Variants in ATF3 observed in about 807,000 individuals in gnomAD.
The protein encoded by ATF3 is cyclic AMP-dependent transcription factor ATF-3.
In ATF3, 10 loss-of-function variants were observed where a neutral mutation model predicts 18.4. The ratio of observed to expected loss-of-function variants is 0.54; its 90% CI spans 0.34 to 0.92. The LOEUF (loss-of-function observed/expected upper bound fraction) is 0.92. Ranked by LOEUF, ATF3 falls within the 40% of genes least tolerant of loss-of-function variation. The pLI, the probability that ATF3 is intolerant of heterozygous loss-of-function variation, is 0.02. For synonymous variants in ATF3, 78 were observed against 87.9 expected, an observed-to-expected ratio of 0.89 and a Z score of 0.63; for missense variants, 183 against 222.3, an observed-to-expected ratio of 0.82 and a Z score of 1.12.
intron 1 of ATF3, among the ~76,000 whole-genome samples, chr1:212,570,381 A>T (rs1322111602): frequency 6.6e-6 from 1 of 152,214 alleles, no homozygotes; most frequent in Non-Finnish European, 1.5e-5. Context: ...AAATGCACAA[A>T]TCTTAAATGG....
chr1:212,576,303 G>A (rs768341248), intron 1 of ATF3, among the ~76,000 whole-genome samples: 53 of 151,404 alleles, frequency 3.5e-4, no homozygotes, highest in Non-Finnish European at 7.1e-4. Context: ...CCTTTTTATT[G>A]CCACTTTCTG....
chr1:212,590,048 A>G (rs1333168131), intron 1 of ATF3, among the ~76,000 whole-genome samples: 2 of 152,188 alleles, frequency 1.3e-5, no homozygotes, highest in African/African-American at 4.8e-5. Context: ...AAGTGTATTT[A>G]GGTAAAAGCA....
intron 1 of ATF3, among the ~76,000 whole-genome samples, chr1:212,567,463 A>G (rs1488806208): frequency 6.6e-6 from 1 of 152,174 alleles, no homozygotes; most frequent in Non-Finnish European, 1.5e-5. Context: ...TTTCTGTGCA[A>G]AGGATTCAGA....
At position 212,619,850 on chromosome 1, in the gene ATF3, T is replaced by C. The variant is rs1655297981; in HGVS notation, c.*295T>C. The C allele has an allele frequency of 2.9e-6, 1 of 340,758 alleles. No homozygotes were observed. Among genetic ancestry groups the C allele is most frequent in the Non-Finnish European group, 5.7e-6 (1 of 175,174 alleles). The allele number at this position is 340,758 out of a possible 1,614,324, so 21.1% of individuals were successfully genotyped here. ...GCTGGTGTCCTGCCCGCCTTTCATCTGGATTCTACAAAAAACCAGGATGCC... is the reference window on the plus strand; with the variant it reads ...GCTGGTGTCCTGCCCGCCTTTCATCCGGATTCTACAAAAAACCAGGATGCC... On this transcript the variant is annotated 3_prime_UTR_variant, in exon 4 of 4. Coordinates refer to ENST00000341491, the MANE Select transcript of ATF3 (RefSeq NM_001674.4). This position sits in a 1 kb window ranked among gnomAD's most constrained non-coding sequence, Gnocchi z 4.4.
At chr1:212,593,744 A>T (rs11311168) in intron 1 of ATF3, among the ~76,000 whole-genome samples, 41 of 486 alleles carry the variant, frequency 0.084, 5 homozygotes, top group Non-Finnish European at 0.13. Flanking sequence ...CTGTCTCTTT[A>T]AAAAAAAAAA....
chr1:212,616,689 G>A (rs186908193), intron 2 of ATF3, among the ~76,000 whole-genome samples: 3 of 152,312 alleles, frequency 2.0e-5, no homozygotes, highest in African/African-American at 4.8e-5. Flanking sequence ...AAAGGAGGCC[G>A]TGGCAGGAAT....
rs746983561 is a variant in ATF3 at position 212,619,575 on chromosome 1, G to T, written c.*20G>T. 6.2e-7 allele frequency: 1 copy of T among 1,613,386 alleles called. No individual in the cohort carries two copies. Among genetic ancestry groups the T allele is most frequent in the Non-Finnish European group, 8.5e-7 (1 of 1,179,666 alleles). Reference sequence around the variant, plus strand: ...AGCTAAGCAGTCGTGGTATGGGGGCGACTGGGGAGTCCTCATTGAATCCTC... The same window carrying T: ...AGCTAAGCAGTCGTGGTATGGGGGCTACTGGGGAGTCCTCATTGAATCCTC... On this transcript the variant is annotated 3_prime_UTR_variant, in exon 4 of 4. Coordinates refer to ENST00000341491, the MANE Select transcript of ATF3 (RefSeq NM_001674.4). This position sits in a 1 kb window ranked among gnomAD's most constrained non-coding sequence, Gnocchi z 4.4.
intron 1 of ATF3, among the ~76,000 whole-genome samples, chr1:212,568,700 C>T (rs1558222267): frequency 6.6e-6 from 1 of 152,248 alleles, no homozygotes; most frequent in East Asian, 1.9e-4. Context: ...TGGTGACTGT[C>T]ATTTGGTATT....
chr1:212,588,675 C>T (rs537493963), intron 1 of ATF3, among the ~76,000 whole-genome samples: 1 of 152,152 alleles, frequency 6.6e-6, no homozygotes, highest in Non-Finnish European at 1.5e-5. Context: ...CATGCAACCC[C>T]ACACCTGATT....
chr1:212,585,744 C>T (rs1050271464), intron 1 of ATF3, among the ~76,000 whole-genome samples: 2 of 152,158 alleles, frequency 1.3e-5, no homozygotes, highest in Non-Finnish European at 2.9e-5. Context: ...TTCTGGTTAT[C>T]GACCTAGGCA....
chr1:212,586,946 A>G (rs1342645201), intron 1 of ATF3, among the ~76,000 whole-genome samples: 1 of 152,198 alleles, frequency 6.6e-6, no homozygotes, highest in Non-Finnish European at 1.5e-5. Flanking sequence ...TGTGAAAGTG[A>G]CGCTGGGCTG....
intron 1 of ATF3, among the ~76,000 whole-genome samples, chr1:212,597,419 T>TATCTATCTATC (rs1553302899): frequency 1.3e-5 from 2 of 150,730 alleles, no homozygotes; most frequent in East Asian, 2.0e-4. Flanking sequence ...TTACATCTAT[T>TATCTATCTATC]TATCTATCTA....
At chr1:212,589,175 C>T (rs1025749372) in intron 1 of ATF3, among the ~76,000 whole-genome samples, 1 of 152,170 alleles carries the variant, frequency 6.6e-6, no homozygotes, top group Non-Finnish European at 1.5e-5. Flanking sequence ...CATCACAGCA[C>T]TCCCGGGTTG....
chr1:212,586,548 A>G (rs1664783328), intron 1 of ATF3, among the ~76,000 whole-genome samples: 1 of 152,220 alleles, frequency 6.6e-6, no homozygotes, highest in Non-Finnish European at 1.5e-5. Context: ...TGAGTTTGCC[A>G]TCTTGAATAA....
chr1:212,612,135 G>T (rs1252926405), intron 1 of ATF3, among the ~76,000 whole-genome samples: 1 of 152,024 alleles, frequency 6.6e-6, no homozygotes, highest in South Asian at 2.1e-4. Flanking sequence ...CCCAAATCTC[G>T]ACAGATACAT....
intron 1 of ATF3, among the ~76,000 whole-genome samples, chr1:212,596,629 T>A (rs1347671376): frequency 6.6e-6 from 1 of 152,196 alleles, no homozygotes; most frequent in Non-Finnish European, 1.5e-5. Flanking sequence ...AAGTTAAAGC[T>A]AAGGCTCTAT....
At chr1:212,584,355 T>C (rs1664739486) in intron 1 of ATF3, among the ~76,000 whole-genome samples, 1 of 151,862 alleles carries the variant, frequency 6.6e-6, no homozygotes, top group Non-Finnish European at 1.5e-5. Flanking sequence ...GCTCATGCAA[T>C]TATGGAGGTT....
At chr1:212,612,234 C>G (rs1654927331) in intron 1 of ATF3, among the ~76,000 whole-genome samples, 2 of 152,182 alleles carry the variant, frequency 1.3e-5, no homozygotes, top group South Asian at 4.1e-4. Context: ...AAAAGCATTC[C>G]ATACCACTGA....
At chr1:212,616,302 C>A (rs1655124240) in intron 2 of ATF3, among the ~76,000 whole-genome samples, 1 of 139,536 alleles carries the variant, frequency 7.2e-6, no homozygotes, top group Non-Finnish European at 1.5e-5. Flanking sequence ...TACACACACA[C>A]ACTTTTTTTT....
Sources: allele counts gnomAD v4.1 joint callset (sites outside exome capture counted in the v4.1 genomes callset), GRCh38; gene constraint gnomAD v4.1.1; non-coding constraint Gnocchi (gnomAD v3.1); transcripts MANE v1.5; gene names NCBI Gene and HGNC (gene_info 2026-07-23, HGNC 2026-07-21).